The following CTXND1 variants were observed in gnomAD, a reference collection of about 807,000 sequenced individuals.
CTXND1 encodes cortexin domain containing 1.
chr15:80,232,724 C>G (rs928601529), intron 1 of CTXND1, among the ~76,000 whole-genome samples: 1 of 152,204 alleles, frequency 6.6e-6, no homozygotes, highest in Non-Finnish European at 1.5e-5. Flanking sequence ...GGTAGTTTCT[C>G]TTTCACAAGA....
intron 1 of CTXND1, among the ~76,000 whole-genome samples, chr15:80,234,763 C>T (rs914041214): frequency 2.0e-5 from 3 of 152,184 alleles, no homozygotes; most frequent in African/African-American, 4.8e-5. Flanking sequence ...TAAGCGTGAG[C>T]CACTGCTCCT....
intron 1 of CTXND1, among the ~76,000 whole-genome samples, chr15:80,215,260 G>T (rs1473828414): frequency 2.0e-5 from 3 of 152,212 alleles, no homozygotes; most frequent in Non-Finnish European, 4.4e-5. Context: ...CTTCTTCTGA[G>T]AGCTGGGGGA....
At chr15:80,238,306 T>C (rs1301374016) in intron 1 of CTXND1, among the ~76,000 whole-genome samples, 1 of 152,202 alleles carries the variant, frequency 6.6e-6, no homozygotes, top group Non-Finnish European at 1.5e-5. Context: ...GTACCTTTTC[T>C]ATGTTTAGAT....
At chr15:80,218,224 C>A (rs188530672) in intron 1 of CTXND1, among the ~76,000 whole-genome samples, 1 of 152,284 alleles carries the variant, frequency 6.6e-6, no homozygotes, top group East Asian at 1.9e-4. Context: ...CAGCCTGGAA[C>A]TCCTGGGCTC....
In CTXND1 at chr15:80,198,506, A is replaced by G; in HGVS notation, c.*3264T>C. ...CTTTCTATCCACAACCCCAAAGTTC[A>G]TCTTAGCTTGCCAGAAACGAGTTGA... On this transcript the variant is annotated 3_prime_UTR_variant, in exon 3 of 3. Coordinates refer to ENST00000560778, the MANE Select transcript of CTXND1 (RefSeq NM_001352888.2). The G allele has an allele frequency of 6.6e-6, 1 of 152,344 alleles. No homozygotes were observed. The highest frequency in any genetic ancestry group is 1.5e-5 in the Non-Finnish European group (1 of 68,042). The allele number at this position is 152,344 out of a possible 1,614,324, so 9.4% of individuals were successfully genotyped here.
At chr15:80,240,139 A>G (rs1893548762) in intron 1 of CTXND1, among the ~76,000 whole-genome samples, 1 of 152,140 alleles carries the variant, frequency 6.6e-6, no homozygotes, top group Non-Finnish European at 1.5e-5. Context: ...CTAATTTTGT[A>G]TTTTTAGTAG....
chr15:80,243,569 G>A (rs928911013), intron 1 of CTXND1, among the ~76,000 whole-genome samples: 1 of 152,138 alleles, frequency 6.6e-6, no homozygotes, highest in Non-Finnish European at 1.5e-5. Flanking sequence ...TAGGCAGGTA[G>A]CAACACACTA....
intron 1 of CTXND1, among the ~76,000 whole-genome samples, chr15:80,204,145 T>G: frequency 1.5e-3 from 1 of 680 alleles, no homozygotes; most frequent in South Asian, 0.17. Context: ...AGACTGTGTC[T>G]CAAAAAAAAA....
chr15:80,232,761 C>G (rs1893445612), intron 1 of CTXND1, among the ~76,000 whole-genome samples: 1 of 152,066 alleles, frequency 6.6e-6, no homozygotes, highest in African/African-American at 2.4e-5. Context: ...GGTGCTCATG[C>G]CTTTGCAATG....
At chr15:80,221,353 T>C (rs1456148409) in intron 1 of CTXND1, among the ~76,000 whole-genome samples, 3 of 152,230 alleles carry the variant, frequency 2.0e-5, no homozygotes, top group African/African-American at 7.2e-5. Flanking sequence ...TAGTGAATAG[T>C]AGGGATGATA....
intron 1 of CTXND1, among the ~76,000 whole-genome samples, chr15:80,242,170 G>T (rs1195032026): frequency 1.3e-5 from 2 of 152,156 alleles, no homozygotes. Context: ...GACCTGCATC[G>T]TGGTCACTCT....
At chr15:80,249,847 T>G (rs1893674344) in intron 1 of CTXND1, among the ~76,000 whole-genome samples, 1 of 152,238 alleles carries the variant, frequency 6.6e-6, no homozygotes, top group African/African-American at 2.4e-5. Context: ...CTAAATGTTG[T>G]CACTTTTAAT....
chr15:80,246,636 A>C (rs1000960072), intron 1 of CTXND1, among the ~76,000 whole-genome samples: 1 of 67,642 alleles, frequency 1.5e-5, no homozygotes, highest in Non-Finnish European at 3.1e-5. Context: ...TGAACTGTGG[A>C]CTTTGGGGAT....
chr15:80,231,504 T>G (rs1339737545), intron 1 of CTXND1, among the ~76,000 whole-genome samples: 1 of 152,174 alleles, frequency 6.6e-6, no homozygotes, highest in African/African-American at 2.4e-5. Context: ...TGGGAGAAAT[T>G]TATAAGCCAA....
At chr15:80,240,136 T>G (rs1893548687) in intron 1 of CTXND1, among the ~76,000 whole-genome samples, 1 of 152,160 alleles carries the variant, frequency 6.6e-6, no homozygotes, top group African/African-American at 2.4e-5. Context: ...CGGCTAATTT[T>G]GTATTTTTAG....
chr15:80,207,388 T>C (rs928090133), intron 1 of CTXND1, among the ~76,000 whole-genome samples: 1 of 152,196 alleles, frequency 6.6e-6, no homozygotes, highest in Non-Finnish European at 1.5e-5. Context: ...AGCTATTAAA[T>C]CTACCTATTC....
At chr15:80,247,418 C>G (rs1408790874) in intron 1 of CTXND1, among the ~76,000 whole-genome samples, 1 of 152,034 alleles carries the variant, frequency 6.6e-6, no homozygotes, top group African/African-American at 2.4e-5. Context: ...TGCTGGTCTC[C>G]ATTGGAGGCA....
chr15:80,209,010 G>A (rs1236277460), intron 1 of CTXND1, among the ~76,000 whole-genome samples: 5 of 152,172 alleles, frequency 3.3e-5, no homozygotes, highest in Admixed American at 3.3e-4. Context: ...TGAAATCTCA[G>A]GCTCTGCCTT....
chr15:80,202,283 C>A (rs1386699892), intron 2 of CTXND1, among the ~76,000 whole-genome samples: 1 of 151,890 alleles, frequency 6.6e-6, no homozygotes, highest in South Asian at 2.1e-4. Context: ...TGAGTCCCAG[C>A]AGGCATGGGA....
Sources: allele counts gnomAD v4.1 joint callset (sites outside exome capture counted in the v4.1 genomes callset), GRCh38; gene constraint gnomAD v4.1.1; transcripts MANE v1.5; gene names NCBI Gene and HGNC (gene_info 2026-07-23, HGNC 2026-07-21).